IFT43: variants seen among roughly 807,000 people sequenced by gnomAD.
IFT43 encodes the protein intraflagellar transport protein 43 homolog.
IFT43 carries 33 observed loss-of-function variants against 32.3 expected under a neutral mutation model. That is an observed-to-expected ratio of 1.02 (90% CI 0.77 to 1.37). The LOEUF is 1.37. Ranked by LOEUF, IFT43 falls within the 40% of genes most tolerant of loss-of-function variation. The pLI, the probability that IFT43 is intolerant of heterozygous loss-of-function variation, is 0.00. For synonymous variants in IFT43, 93 were observed against 98.2 expected, an observed-to-expected ratio of 0.95 and a Z score of 0.31; for missense variants, 274 against 265.9, an observed-to-expected ratio of 1.03 and a Z score of -0.21.
In IFT43 at chr14:76,039,015, AC is replaced by A. The variant is rs372975473; in HGVS notation, c.215+16622del. ...GTGAGGTGGGTACTTCCTGAAAGTC[AC>A]TGTTCATGGGCACAGATGTAAAAGT... On this transcript the variant is annotated intron_variant, in intron 3 of 8. Coordinates refer to ENST00000314067, the MANE Select transcript of IFT43 (RefSeq NM_001102564.3). Among the ~76,000 whole-genome samples the A allele has an allele frequency of 5.0e-4, 76 of 152,234 alleles. 1 individual carries two copies. The East Asian group carries it at 8.7e-3, about 17-fold the overall frequency.
At position 75,985,968 on chromosome 14, in the gene IFT43, A is replaced by G. The variant is rs568464836; in HGVS notation, c.54+128A>G. 1.6e-4 allele frequency: 246 copies of G among 1,533,560 alleles called. 1 individual carries two copies. In the African/African-American group the frequency reaches 3.0e-3, roughly 18 times the overall value. The allele number at this position is 1,533,560 out of a possible 1,614,324, so 95.0% of individuals were successfully genotyped here. A position where few individuals can be genotyped will look rare whatever the true frequency, so the allele number is the denominator to read the frequency against. On this transcript the variant is annotated intron_variant, in intron 1 of 8. Coordinates refer to ENST00000314067, the MANE Select transcript of IFT43 (RefSeq NM_001102564.3). ...CGCGCCGCGCCGGGTGAGGCCCAGA[A>G]GGAGGCAGCCTCACCGCCCCGCCCC...
At chr14:76,067,579 C>CA (rs34499028) in intron 5 of IFT43, among the ~76,000 whole-genome samples, 12,428 of 135,948 alleles carry the variant, frequency 0.091, 1,028 homozygotes, top group African/African-American at 0.22. Flanking sequence ...GAGACTCTCT[C>CA]AAAAAAAAAA....
chr14:76,011,068 A>AATTATT (rs367828753), intron 2 of IFT43, among the ~76,000 whole-genome samples: 6 of 151,212 alleles, frequency 4.0e-5, no homozygotes, highest in South Asian at 2.1e-4. Flanking sequence ...ACACCCAGCT[A>AATTATT]ATTATTATTA....
chr14:76,030,825 C>A (rs1178471454), intron 3 of IFT43, among the ~76,000 whole-genome samples: 1 of 151,782 alleles, frequency 6.6e-6, no homozygotes, highest in Non-Finnish European at 1.5e-5. Context: ...CCTTTTTATT[C>A]AATTTACTTT....
chr14:75,996,745 A>G (rs1428892022), intron 2 of IFT43, among the ~76,000 whole-genome samples: 1 of 152,220 alleles, frequency 6.6e-6, no homozygotes, highest in African/African-American at 2.4e-5. Flanking sequence ...AATAATCCTT[A>G]ATTGCTGACT....
chr14:76,043,680 A>G (rs2036750184), intron 3 of IFT43, among the ~76,000 whole-genome samples: 1 of 152,196 alleles, frequency 6.6e-6, no homozygotes, highest in South Asian at 2.1e-4. Flanking sequence ...TTCTCCTACT[A>G]TACCCTCAGT....
intron 3 of IFT43, among the ~76,000 whole-genome samples, chr14:76,026,634 G>T (rs780673664): frequency 1.3e-5 from 2 of 152,034 alleles, no homozygotes; most frequent in South Asian, 2.1e-4. Flanking sequence ...CAGTGTTAGC[G>T]TGAGTGTAAA....
At chr14:76,056,725 A>G (rs1379243893) in intron 3 of IFT43, among the ~76,000 whole-genome samples, 2 of 152,136 alleles carry the variant, frequency 1.3e-5, no homozygotes, top group Admixed American at 6.5e-5. Flanking sequence ...CATTCGGACA[A>G]TGGGGGTATA....
chr14:76,042,437 CT>C (rs2036724992), intron 3 of IFT43, among the ~76,000 whole-genome samples: 2 of 152,130 alleles, frequency 1.3e-5, no homozygotes, highest in Admixed American at 1.3e-4. Flanking sequence ...GTGGTAGAAC[CT>C]CAGCAGATAT....
Position 76,068,896 on chromosome 14 carries a change from G to T in IFT43, c.295+9523G>T, listed in dbSNP as rs186373059. Among the ~76,000 whole-genome samples, 464 of 152,298 alleles carry T rather than the reference G, an allele frequency of 3.0e-3. 2 individuals are homozygous for T. Among genetic ancestry groups the T allele is most frequent in the African/African-American group, 0.011 (440 of 41,546 alleles). On this transcript the variant is annotated intron_variant, in intron 5 of 8. Coordinates refer to ENST00000314067, the MANE Select transcript of IFT43 (RefSeq NM_001102564.3). ...CGTGATGATGAGCTGAACATTCATT[G>T]TCCTTACCCTCATCCAGTTTACAAT...
intron 3 of IFT43, among the ~76,000 whole-genome samples, chr14:76,034,724 A>G (rs1206319309): frequency 6.6e-6 from 1 of 152,224 alleles, no homozygotes; most frequent in Admixed American, 6.5e-5. Context: ...CTGGCTAGAT[A>G]TGTTGGGTGC....
At chr14:76,056,471 C>T (rs2140045599) in intron 3 of IFT43, among the ~76,000 whole-genome samples, 1 of 152,320 alleles carries the variant, frequency 6.6e-6, no homozygotes, top group East Asian at 1.9e-4. Context: ...AATCAGCCTC[C>T]CCCGAAAGAT....
chr14:76,068,471 A>C (rs2037264762), intron 5 of IFT43, among the ~76,000 whole-genome samples: 1 of 152,222 alleles, frequency 6.6e-6, no homozygotes, highest in Non-Finnish European at 1.5e-5. Context: ...AATTACCCAC[A>C]ACTATAGCTG....
At chr14:76,055,323 G>T (rs190111198) in intron 3 of IFT43, among the ~76,000 whole-genome samples, 1 of 151,360 alleles carries the variant, frequency 6.6e-6, no homozygotes, top group East Asian at 1.9e-4. Context: ...TCCACTCTGG[G>T]CCACAGAGTG....
chr14:76,050,392 ATTTGGATGTGGTGGGAGGG>A (rs1215321421), intron 3 of IFT43, among the ~76,000 whole-genome samples: 3 of 151,050 alleles, frequency 2.0e-5, no homozygotes, highest in Admixed American at 6.6e-5. Flanking sequence ...TGGTGGGAGT[ATTTGGATGTGGTGGGAGGG>A]TTTGGATGTG....
At chr14:76,005,469 T>G (rs1163868206) in intron 2 of IFT43, among the ~76,000 whole-genome samples, 1 of 152,250 alleles carries the variant, frequency 6.6e-6, no homozygotes, top group East Asian at 1.9e-4. Context: ...CAATGAAATT[T>G]CATCTCTACT....
intron 3 of IFT43, among the ~76,000 whole-genome samples, chr14:76,028,692 T>A (rs910537717): frequency 6.6e-6 from 1 of 152,304 alleles, no homozygotes; most frequent in Middle Eastern, 3.4e-3. Context: ...CTCCTACTTA[T>A]AAGTGAGACC....
At chr14:76,046,735 C>A (rs1871992430) in intron 3 of IFT43, among the ~76,000 whole-genome samples, 1 of 152,218 alleles carries the variant, frequency 6.6e-6, no homozygotes, top group Admixed American at 6.5e-5. Context: ...TTGATATTAT[C>A]ACCAGCTTGG....
chr14:76,045,047 C>A (rs2036779266), intron 3 of IFT43, among the ~76,000 whole-genome samples: 1 of 152,210 alleles, frequency 6.6e-6, no homozygotes. Context: ...TAAACTTCAA[C>A]TGTATGGGGG....
Sources: allele counts gnomAD v4.1 joint callset (sites outside exome capture counted in the v4.1 genomes callset), GRCh38; gene constraint gnomAD v4.1.1; transcripts MANE v1.5; gene names NCBI Gene and HGNC (gene_info 2026-07-23, HGNC 2026-07-21).